DNAAF9: variants seen among roughly 807,000 people sequenced by gnomAD.
DNAAF9 encodes the protein dynein axonemal assembly factor 9.
In DNAAF9, 90 loss-of-function variants were observed where a neutral mutation model predicts 167.0. The ratio of observed to expected loss-of-function variants is 0.54; its 90% CI spans 0.45 to 0.64. The LOEUF is 0.64. Ranked by LOEUF, DNAAF9 falls within the 30% of genes least tolerant of loss-of-function variation. The pLI, the probability that DNAAF9 is intolerant of heterozygous loss-of-function variation, is 0.00. For synonymous variants in DNAAF9, 491 were observed against 508.8 expected (o/e 0.96, Z 0.47); for missense variants, 1,315 against 1,442.2 (o/e 0.91, Z 1.43).
intron 29 of DNAAF9, 29 bp from the exon 30 acceptor site, chr20:3,270,591 C>T (rs1461185281): frequency 6.2e-7 from 1 of 1,609,084 alleles, no homozygotes. Context: ...ACAGTTTAGC[C>T]TTCACAGTCC....
chr20:3,398,024 T>C (rs925379893), intron 1 of DNAAF9, among the ~76,000 whole-genome samples: 3 of 152,188 alleles, frequency 2.0e-5, no homozygotes, highest in Non-Finnish European at 4.4e-5. Context: ...ACACATCCTG[T>C]GACCCTCCCA....
At chr20:3,402,286 T>C (rs1460347260) in intron 1 of DNAAF9, among the ~76,000 whole-genome samples, 1 of 152,182 alleles carries the variant, frequency 6.6e-6, no homozygotes, top group Non-Finnish European at 1.5e-5. Flanking sequence ...GATATATATA[T>C]GTATTTGTGT....
intron 8 of DNAAF9, among the ~76,000 whole-genome samples, chr20:3,345,603 T>C (rs1412037314): frequency 6.6e-6 from 1 of 152,168 alleles, no homozygotes; most frequent in East Asian, 1.9e-4. Flanking sequence ...GGGATCTAAA[T>C]GTAAAAATTC....
At chr20:3,349,205 A>AAAAAAC (rs1555794914) in intron 7 of DNAAF9, among the ~76,000 whole-genome samples, 3 of 59,190 alleles carry the variant, frequency 5.1e-5, no homozygotes, top group African/African-American at 2.2e-4. Flanking sequence ...AAAAAAAAAC[A>AAAAAAC]AAAAAAAAAA....
intron 16 of DNAAF9, among the ~76,000 whole-genome samples, chr20:3,320,017 T>C (rs2069585443): frequency 6.6e-6 from 1 of 152,176 alleles, no homozygotes; most frequent in African/African-American, 2.4e-5. Flanking sequence ...TGATCCTTCA[T>C]GTTCATATTT....
At chr20:3,338,861 C>T (rs1375684073) in intron 10 of DNAAF9, among the ~76,000 whole-genome samples, 1 of 151,958 alleles carries the variant, frequency 6.6e-6, no homozygotes, top group African/African-American at 2.4e-5. Flanking sequence ...ACTATATTGG[C>T]CAGGCTGGTC....
At chr20:3,380,673 A>G (rs1351917783) in intron 3 of DNAAF9, among the ~76,000 whole-genome samples, 2 of 152,200 alleles carry the variant, frequency 1.3e-5, no homozygotes, top group Admixed American at 6.5e-5. Flanking sequence ...GTTTGTTTTC[A>G]TGCCTCCCCC....
intron 8 of DNAAF9, among the ~76,000 whole-genome samples, chr20:3,347,904 A>G (rs1442082897): frequency 1.3e-5 from 2 of 152,172 alleles, no homozygotes; most frequent in Non-Finnish European, 2.9e-5. Context: ...CCTGGGCGAC[A>G]GAGTGAGACT....
At chr20:3,265,316 G>C (rs977971030) in intron 30 of DNAAF9, among the ~76,000 whole-genome samples, 2 of 152,014 alleles carry the variant, frequency 1.3e-5, no homozygotes, top group East Asian at 3.9e-4. Context: ...TGTAATCCCA[G>C]CACTTTGGGA....
intron 28 of DNAAF9, among the ~76,000 whole-genome samples, chr20:3,279,840 T>C (rs1372665203): frequency 1.3e-5 from 2 of 152,190 alleles, no homozygotes; most frequent in African/African-American, 2.4e-5. Context: ...AGAGGTCCTG[T>C]GTTTTCTTCC....
chr20:3,298,089 G>C lies in DNAAF9; in HGVS notation c.1869C>G (p.Ser623Arg). ...GGAAAAGGGCAATCATCAGAAAATTGCTTGATCCATGGAAATGAACTGGGA... is the reference window on the plus strand; with the variant it reads ...GGAAAAGGGCAATCATCAGAAAATTCCTTGATCCATGGAAATGAACTGGGA... ...PHLPVHFHGS[S>R]NFLMIALFPK... The change falls in exon 22 of 37, where the codon AGC (serine) becomes AGG (arginine). Residue 623 changes from serine (S) to arginine (R), a missense_variant. Ser to Arg is a moderately radical substitution (Grantham distance 110). Coordinates refer to ENST00000252032, the MANE Select transcript of DNAAF9 (RefSeq NM_001009984.3). 6.2e-7 allele frequency: 1 copy of C among 1,612,450 alleles called. No individual in the cohort carries two copies. Among genetic ancestry groups the C allele is most frequent in the Non-Finnish European group, 8.5e-7 (1 of 1,178,490 alleles).
intron 31 of DNAAF9, among the ~76,000 whole-genome samples, chr20:3,260,586 C>T (rs1179458470): frequency 7.0e-6 from 1 of 143,298 alleles, no homozygotes; most frequent in Non-Finnish European, 1.5e-5. Context: ...TTTGGGGGTC[C>T]TTCCTGGTAC....
At chr20:3,391,317 A>T (rs908974931) in intron 1 of DNAAF9, among the ~76,000 whole-genome samples, 55 of 152,072 alleles carry the variant, frequency 3.6e-4, no homozygotes, top group African/African-American at 1.3e-3. Context: ...CCTTTTAATT[A>T]AAAAAAAGAA....
At chr20:3,394,955 T>C (rs996547224) in intron 1 of DNAAF9, among the ~76,000 whole-genome samples, 2 of 24,626 alleles carry the variant, frequency 8.1e-5, no homozygotes, top group African/African-American at 1.9e-4. Context: ...TTTTCTTTTT[T>C]TTTTTTTTTT....
chr20:3,361,845 G>C (rs1475465066), intron 6 of DNAAF9: 1 of 1,444,532 alleles, frequency 6.9e-7, no homozygotes, highest in Non-Finnish European at 9.5e-7. Context: ...CGAATGTTGG[G>C]GGGAAGGGGA....
intron 20 of DNAAF9, among the ~76,000 whole-genome samples, chr20:3,313,636 C>A (rs1408054217): frequency 6.6e-6 from 1 of 152,110 alleles, no homozygotes; most frequent in Non-Finnish European, 1.5e-5. Flanking sequence ...CATGCAAGAC[C>A]AACAAGGTTT....
chr20:3,337,465 G>T (rs551694246), intron 10 of DNAAF9, among the ~76,000 whole-genome samples: 307 of 107,482 alleles, frequency 2.9e-3, no homozygotes, highest in South Asian at 0.017. Flanking sequence ...GGTATTTTTA[G>T]TAGAGACCAG....
Position 3,270,561 on chromosome 20 carries a change from G to A in DNAAF9, c.2652C>T (p.Gly884=). 2 of 1,612,116 alleles carry A rather than the reference G, an allele frequency of 1.2e-6. No homozygotes were observed. The highest frequency in any genetic ancestry group is 8.5e-7 in the Non-Finnish European group (1 of 1,179,508). The change falls in exon 30 of 37, where the codon GGC becomes GGT. Residue 884 remains glycine, a splice_region_variant and synonymous_variant. Transcript: ENST00000252032. ...TGGTGAATACCACGTTACTCACCAG[G>A]CCTGGGAATAAAACCAAGGACAGTT... The part of the protein sequence containing the change: ...FPKCLDQCSQ[G]LVSNVVFTSH...
intron 7 of DNAAF9, among the ~76,000 whole-genome samples, chr20:3,355,609 TC>T (rs1230624530): frequency 6.6e-6 from 1 of 152,084 alleles, no homozygotes; most frequent in African/African-American, 2.4e-5. Flanking sequence ...GAACAGATGT[TC>T]AATGTTATCA....
Sources: allele counts gnomAD v4.1 joint callset (sites outside exome capture counted in the v4.1 genomes callset), GRCh38; gene constraint gnomAD v4.1.1; transcripts MANE v1.5; gene names NCBI Gene and HGNC (gene_info 2026-07-23, HGNC 2026-07-21).